INIP: variants seen among roughly 807,000 people sequenced by gnomAD.
INIP encodes the protein SOSS complex subunit C.
Under a neutral mutation model 14.0 loss-of-function variants are expected in INIP, and 9 were observed. The observed-to-expected ratio is 0.64, with a 90% CI of 0.39 to 1.12. The LOEUF (loss-of-function observed/expected upper bound fraction) is 1.12, where lower values mean the gene tolerates loss of function less well. Ranked by LOEUF, INIP falls within the 50% of genes most tolerant of loss-of-function variation. The pLI is 0.01. For missense variants in INIP, 78 were observed against 122.7 expected (o/e 0.64, Z 1.72); for synonymous variants, 37 against 41.5 (o/e 0.89, Z 0.41).
intron 2 of INIP, among the ~76,000 whole-genome samples, chr9:112,705,658 G>A (rs953455616): frequency 6.6e-6 from 1 of 152,156 alleles, no homozygotes; most frequent in African/African-American, 2.4e-5. Flanking sequence ...TATTAGATAA[G>A]TAGGTTTACT....
chr9:112,696,663 T>C (rs1043990310), intron 2 of INIP, among the ~76,000 whole-genome samples: 2 of 152,236 alleles, frequency 1.3e-5, no homozygotes, highest in African/African-American at 4.8e-5. Flanking sequence ...TTGTCACCTA[T>C]GCCTCTGACT....
intron 3 of INIP, among the ~76,000 whole-genome samples, chr9:112,691,628 A>G (rs1837886780): frequency 6.6e-6 from 1 of 152,278 alleles, no homozygotes; most frequent in African/African-American, 2.4e-5. Context: ...AGGGACAAAT[A>G]GAGAAATGTC....
At chr9:112,711,252 G>A (rs921545775) in intron 2 of INIP, among the ~76,000 whole-genome samples, 5 of 152,042 alleles carry the variant, frequency 3.3e-5, no homozygotes, top group South Asian at 2.1e-4. Context: ...ACTGGAGTCC[G>A]GGAGTCTCTA....
chr9:112,714,256 CA>C (rs1486149870), intron 2 of INIP, among the ~76,000 whole-genome samples: 1 of 151,944 alleles, frequency 6.6e-6, no homozygotes, highest in African/African-American at 2.4e-5. Flanking sequence ...AAGTTTAAGA[CA>C]AAACCAAGAT....
chr9:112,703,206 A>G lies in INIP; in HGVS notation c.26-8973T>C, dbSNP rs541008116. Reference sequence around the variant, plus strand: ...TCTTCATACAGAAAGTTATATGCCAATATGATAGTGTTCATGGTCAATGCA... The same window carrying G: ...TCTTCATACAGAAAGTTATATGCCAGTATGATAGTGTTCATGGTCAATGCA... On this transcript the variant is annotated intron_variant, in intron 2 of 4. Transcript: ENST00000374242. Among the ~76,000 whole-genome samples the G allele has an allele frequency of 1.8e-3, 270 of 152,332 alleles. 1 individual carries two copies. The highest frequency in any genetic ancestry group is 5.9e-3 in the African/African-American group (244 of 41,582).
At chr9:112,693,654 C>G (rs184664454) in intron 3 of INIP, among the ~76,000 whole-genome samples, 2 of 152,138 alleles carry the variant, frequency 1.3e-5, no homozygotes, top group African/African-American at 4.8e-5. Flanking sequence ...AAGTTGGGCA[C>G]AGGTAAAGTT....
At chr9:112,690,006 TA>T (rs1007516013) in intron 3 of INIP, among the ~76,000 whole-genome samples, 20 of 151,476 alleles carry the variant, frequency 1.3e-4, no homozygotes, top group African/African-American at 3.9e-4. Flanking sequence ...TTTATAGGGG[TA>T]AAAAAAAACC....
chr9:112,717,792 G>T (rs978046271), intron 1 of INIP, among the ~76,000 whole-genome samples, 195 bp downstream of exon 1: 10 of 152,204 alleles, frequency 6.6e-5, no homozygotes, highest in African/African-American at 1.7e-4. Flanking sequence ...TGCCAGAAAG[G>T]TCCCTGCCTA....
intron 2 of INIP, among the ~76,000 whole-genome samples, chr9:112,703,802 A>G (rs940265871): frequency 6.6e-6 from 1 of 152,202 alleles, no homozygotes; most frequent in African/African-American, 2.4e-5. Context: ...AGCCAGTTTG[A>G]GGTTAGCCAG....
chr9:112,704,027 C>T (rs1394623459), intron 2 of INIP, among the ~76,000 whole-genome samples: 1 of 152,070 alleles, frequency 6.6e-6, no homozygotes, highest in Non-Finnish European at 1.5e-5. Context: ...TTTTGTTTCT[C>T]CTGTTAAGTA....
chr9:112,687,841 T>C (rs990350434), intron 4 of INIP, among the ~76,000 whole-genome samples: 1 of 152,086 alleles, frequency 6.6e-6, no homozygotes, highest in African/African-American at 2.4e-5. Context: ...ATCCCAGCAC[T>C]TTGGGAGGCT....
At chr9:112,710,268 G>T (rs1838605604) in intron 2 of INIP, among the ~76,000 whole-genome samples, 1 of 152,082 alleles carries the variant, frequency 6.6e-6, no homozygotes, top group Admixed American at 6.6e-5. Context: ...AAAATCAATA[G>T]TTCCTACTAC....
chr9:112,690,360 G>A (rs147238009), intron 3 of INIP, among the ~76,000 whole-genome samples: 1 of 152,294 alleles, frequency 6.6e-6, no homozygotes, highest in Non-Finnish European at 1.5e-5. Context: ...GGTGGCATGT[G>A]CCTGCGATTC....
chr9:112,699,398 C>T lies in INIP; in HGVS notation c.26-5165G>A, dbSNP rs542474217. On this transcript the variant is annotated intron_variant, in intron 2 of 4. Transcript: ENST00000374242. ...AAACGTATAGTAGTCACCCCATATT[C>T]GCGGTTTCAGCTACCTGTGGTCAAC... Among the ~76,000 whole-genome samples the T allele has an allele frequency of 5.9e-5, 9 of 152,196 alleles. No individual in the cohort carries two copies. The South Asian group carries it at 1.5e-3, about 25-fold the overall frequency.
Position 112,716,519 on chromosome 9 carries a change from A to G in INIP, c.-34T>C, listed in dbSNP as rs1564245806. 1 of 1,606,602 alleles carries G rather than the reference A, an allele frequency of 6.2e-7. No homozygotes were observed. Among genetic ancestry groups the G allele is most frequent in the Non-Finnish European group, 8.5e-7 (1 of 1,173,218 alleles). The stretch of plus-strand genomic sequence containing the variant: ...TTTGTTTCAAGTATGTCCAGTGGCA[A>G]TTGGTCAGCACTTCACAATCACCTA... On this transcript the variant is annotated 5_prime_UTR_variant, in exon 2 of 5. Coordinates refer to ENST00000374242, the MANE Select transcript of INIP (RefSeq NM_021218.3).
intron 2 of INIP, among the ~76,000 whole-genome samples, chr9:112,704,698 T>C (rs1273025798): frequency 6.6e-6 from 1 of 152,238 alleles, no homozygotes; most frequent in Non-Finnish European, 1.5e-5. Flanking sequence ...AATTTTGCTT[T>C]GTTTTGGTAG....
intron 4 of INIP, among the ~76,000 whole-genome samples, chr9:112,688,753 A>C (rs1387340777): frequency 6.6e-6 from 1 of 152,092 alleles, no homozygotes; most frequent in Non-Finnish European, 1.5e-5. Flanking sequence ...TGAGGCAAGA[A>C]GATTACTTGA....
Position 112,716,331 on chromosome 9 carries a change from C to A in INIP, c.25+130G>T, listed in dbSNP as rs774094654. ...TACTGGGATTACAGGCGTGAGCCAC[C>A]GCTCCCGGCCTGCTATTCATTTTTT... On this transcript the variant is annotated intron_variant, in intron 2 of 4. Coordinates refer to ENST00000374242, the MANE Select transcript of INIP (RefSeq NM_021218.3). 5 of 794,944 alleles carry A rather than the reference C, an allele frequency of 6.3e-6. No homozygotes were observed. In the Admixed American group the frequency reaches 7.8e-5, roughly 12 times the overall value. The allele number at this position is 794,944 out of a possible 1,614,324, so 49.2% of individuals were successfully genotyped here.
chr9:112,706,636 T>C (rs1463793407), intron 2 of INIP, among the ~76,000 whole-genome samples: 1 of 152,200 alleles, frequency 6.6e-6, no homozygotes, highest in Admixed American at 6.5e-5. Context: ...CTTTTAACAA[T>C]GTTATACTCA....
Sources: allele counts gnomAD v4.1 joint callset (sites outside exome capture counted in the v4.1 genomes callset), GRCh38; gene constraint gnomAD v4.1.1; transcripts MANE v1.5; gene names NCBI Gene and HGNC (gene_info 2026-07-23, HGNC 2026-07-21).